The following TSPAN14 variants were observed in gnomAD, a reference collection of about 807,000 sequenced individuals.
The protein encoded by TSPAN14 is tetraspanin 14, also known as tetraspanin-14.
Under a neutral mutation model 36.6 loss-of-function variants are expected in TSPAN14, and 16 were observed. The observed-to-expected ratio is 0.44, with a 90% confidence interval of 0.30 to 0.66. TSPAN14 has a LOEUF of 0.66. TSPAN14 is among the 30% of genes least tolerant of loss of function. The pLI is 0.12. For missense variants in TSPAN14, 231 were observed against 355.1 expected (o/e 0.65, Z 2.81); for synonymous variants, 139 against 143.8 (o/e 0.97, Z 0.24).
chr10:80,501,980 G>C (rs961580995), intron 2 of TSPAN14, among the ~76,000 whole-genome samples: 1 of 152,198 alleles, frequency 6.6e-6, no homozygotes, highest in Non-Finnish European at 1.5e-5. Flanking sequence ...ACAATAGAGA[G>C]ACAGCCCCTG....
intron 1 of TSPAN14, among the ~76,000 whole-genome samples, chr10:80,460,524 ATTC>A (rs1845917197): frequency 6.6e-6 from 1 of 152,148 alleles, no homozygotes; most frequent in African/African-American, 2.4e-5. Flanking sequence ...TGTCCTGTCC[ATTC>A]TTCTTGCACT....
intron 1 of TSPAN14, among the ~76,000 whole-genome samples, chr10:80,471,802 C>A (rs1333004263): frequency 1.3e-5 from 2 of 152,120 alleles, no homozygotes; most frequent in African/African-American, 4.8e-5. Flanking sequence ...GGTGACCAGG[C>A]CCTGCCTCAC....
chr10:80,475,206 C>T (rs1278648677), intron 1 of TSPAN14, among the ~76,000 whole-genome samples: 6 of 152,278 alleles, frequency 3.9e-5, no homozygotes, highest in South Asian at 2.1e-4. Flanking sequence ...AAGGGAGTGT[C>T]AGTGTTGCAG....
chr10:80,480,280 T>G (rs1268668695), intron 1 of TSPAN14, among the ~76,000 whole-genome samples: 1 of 151,938 alleles, frequency 6.6e-6, no homozygotes, highest in Non-Finnish European at 1.5e-5. Context: ...TTGAATACCC[T>G]TTATTTCCTT....
At chr10:80,454,443 G>T (rs1313813009) in intron 1 of TSPAN14, 72 bp downstream of exon 1, 3 of 151,936 alleles carry the variant, frequency 2.0e-5, no homozygotes, top group Non-Finnish European at 4.4e-5. Flanking sequence ...CGACTTCCCC[G>T]AGCGTTCTCC....
At chr10:80,507,088 G>T in intron 3 of TSPAN14, 140 bp from the exon 4 acceptor site, 1 of 1,134,904 alleles carries the variant, frequency 8.8e-7, no homozygotes, top group Non-Finnish European at 1.3e-6. Context: ...GGATGGGGCC[G>T]GACTCTGGCC....
At chr10:80,504,537 G>GT (rs1840182688) in intron 2 of TSPAN14, among the ~76,000 whole-genome samples, 191 bp from the exon 3 acceptor site, 1 of 152,232 alleles carries the variant, frequency 6.6e-6, no homozygotes, top group Admixed American at 6.5e-5. Context: ...GTCATCTGAG[G>GT]TTGAAGGAGT....
chr10:80,512,159 G>T lies in TSPAN14; in HGVS notation c.466G>T (p.Ala156Ser), dbSNP rs901787580. Residue 156 changes from alanine to serine, a missense_variant, in exon 6 of 9, where the codon GCA (alanine) becomes TCA (serine). Ala to Ser is a moderately conservative substitution (Grantham distance 99). Transcript: ENST00000429989. ...GTGGTTGCAGAACCAGTGCTGTGGC[G>T]CATATGGCCCTGAAGACTGGGACCT... The T allele has an allele frequency of 6.2e-7, 1 of 1,614,190 alleles. No homozygotes were observed. Among genetic ancestry groups the T allele is most frequent in the Non-Finnish European group, 8.5e-7 (1 of 1,180,028 alleles).
At chr10:80,464,999 C>CAT (rs1038926847) in intron 1 of TSPAN14, among the ~76,000 whole-genome samples, 1 of 152,184 alleles carries the variant, frequency 6.6e-6, no homozygotes, top group African/African-American at 2.4e-5. Context: ...CTCCAAGGCC[C>CAT]ATCATGTGTT....
intron 1 of TSPAN14, among the ~76,000 whole-genome samples, chr10:80,456,114 A>G (rs1481019359): frequency 1.3e-5 from 2 of 152,234 alleles, no homozygotes; most frequent in African/African-American, 2.4e-5. Context: ...TGCAGGCACT[A>G]TTCCAAGTCT....
At chr10:80,487,250 C>T (rs969377492) in intron 1 of TSPAN14, among the ~76,000 whole-genome samples, 3 of 151,924 alleles carry the variant, frequency 2.0e-5, no homozygotes, top group African/African-American at 4.8e-5. Context: ...GGGACTGCTG[C>T]AGCCCTCAGT....
intron 6 of TSPAN14, among the ~76,000 whole-genome samples, chr10:80,512,953 T>TG (rs1200823395): frequency 1.3e-5 from 2 of 152,156 alleles, no homozygotes; most frequent in African/African-American, 2.4e-5. Flanking sequence ...TGGAGTGCAG[T>TG]GGTGCGATCT....
chr10:80,464,380 G>A lies in TSPAN14; in HGVS notation c.-18+10009G>A, dbSNP rs1288735698. Among the ~76,000 whole-genome samples, 3 of 152,220 alleles carry A rather than the reference G, an allele frequency of 2.0e-5. No individual in the cohort carries two copies. In the East Asian group the frequency reaches 5.8e-4, roughly 29 times the overall value. ...TGAGCGGGAGCTTCCTTTCAGAACA[G>A]AAATGGGGTACGGTTCTTCCTGGGA... On this transcript the variant is annotated intron_variant, in intron 1 of 8. Coordinates refer to ENST00000429989, the Ensembl canonical transcript of TSPAN14.
chr10:80,477,635 G>A (rs1846994843), intron 1 of TSPAN14, among the ~76,000 whole-genome samples: 1 of 152,142 alleles, frequency 6.6e-6, no homozygotes, highest in South Asian at 2.1e-4. Context: ...TACAAGAATA[G>A]TTTGAAAGCA....
chr10:80,485,556 A>T lies in TSPAN14; in HGVS notation c.-17-3661A>T, dbSNP rs557629241. ...AGGCCACCTTACACTGTGTAGGAGG[A>T]TGTGGCTTAGGCTGGAGTCCTAATG... On this transcript the variant is annotated intron_variant, in intron 1 of 8. Transcript: ENST00000429989. 9 of 840,942 alleles carry T rather than the reference A, an allele frequency of 1.1e-5. No individual in the cohort carries two copies. The South Asian group carries it at 4.3e-4, about 41-fold the overall frequency. The allele number at this position is 840,942 out of a possible 1,614,324, so 52.1% of individuals were successfully genotyped here.
At chr10:80,478,901 C>T (rs1238517421) in intron 1 of TSPAN14, among the ~76,000 whole-genome samples, 1 of 152,124 alleles carries the variant, frequency 6.6e-6, no homozygotes, top group African/African-American at 2.4e-5. Context: ...AGTTTACAGT[C>T]CCACCAACAG....
At chr10:80,495,660 ACT>A (rs113577312) in intron 2 of TSPAN14, among the ~76,000 whole-genome samples, 19 of 152,086 alleles carry the variant, frequency 1.2e-4, no homozygotes, top group African/African-American at 3.4e-4. Flanking sequence ...TGCTTGTATA[ACT>A]CTGCCTCCTT....
chr10:80,500,088 C>T (rs145163495), intron 2 of TSPAN14, among the ~76,000 whole-genome samples: 1,769 of 152,204 alleles, frequency 0.012, 13 homozygotes, highest in South Asian at 0.019. Context: ...CCAGTTCATT[C>T]ATGGGACCGT....
At chr10:80,462,097 TAG>T (rs1403963060) in intron 1 of TSPAN14, among the ~76,000 whole-genome samples, 4 of 151,920 alleles carry the variant, frequency 2.6e-5, no homozygotes, top group African/African-American at 9.7e-5. Context: ...GAATTTTTTG[TAG>T]AGATTGGATC....
Sources: allele counts gnomAD v4.1 joint callset (sites outside exome capture counted in the v4.1 genomes callset), GRCh38; gene constraint gnomAD v4.1.1; transcripts MANE v1.5; gene names NCBI Gene and HGNC (gene_info 2026-07-23, HGNC 2026-07-21).